Variants in CCNJL observed in about 807,000 individuals in gnomAD.
CCNJL encodes the protein cyclin J like.
A neutral mutation model predicts 33.4 loss-of-function variants in CCNJL; 33 were observed. The observed-to-expected ratio is 0.99, with a 90% CI of 0.75 to 1.32. The LOEUF (loss-of-function observed/expected upper bound fraction) is 1.32. CCNJL is among the 40% of genes most tolerant of loss of function. CCNJL has a pLI of 0.00. For synonymous variants in CCNJL, 227 were observed against 220.9 expected (o/e 1.03, Z -0.24); for missense variants, 512 against 499.7 (o/e 1.02, Z -0.23).
chr5:160,283,827 C>G (rs1036819688), intron 2 of CCNJL, among the ~76,000 whole-genome samples: 5 of 151,730 alleles, frequency 3.3e-5, no homozygotes, highest in African/African-American at 1.2e-4. Flanking sequence ...TCCATGAGTT[C>G]AATTGCTTTG....
At position 160,250,831 on chromosome 5, in the gene CCNJL, T is replaced by C. The variant is rs543833801; in HGVS notation, c.*2547A>G. ...AGCTGATCTTATGCTTGAAGAAATA[T>C]AATAATTATCTCCTTTTTTGGAGGT... On this transcript the variant is annotated 3_prime_UTR_variant, in exon 6 of 6. Transcript: ENST00000257536. The C allele has an allele frequency of 3.9e-5, 6 of 152,218 alleles. No individual in the cohort carries two copies. The highest frequency in any genetic ancestry group is 7.4e-5 in the Non-Finnish European group (5 of 68,022). 9.4% of individuals were successfully genotyped at this position (152,218 alleles called of 1,614,324 possible). A position where few individuals can be genotyped will look rare whatever the true frequency, so the allele number is the denominator to read the frequency against.
chr5:160,287,623 AAGTCCACTTGAAGGCCGCAGCAGCGC>A (rs1344901923), intron 2 of CCNJL, among the ~76,000 whole-genome samples: 1 of 152,236 alleles, frequency 6.6e-6, no homozygotes, highest in Non-Finnish European at 1.5e-5. Flanking sequence ...CTCTTGACCT[AAGTCCACTTGAAGGCCGCAGCAGCGC>A]AGTGCAGGAA....
intron 1 of CCNJL, among the ~76,000 whole-genome samples, chr5:160,320,309 A>T (rs1202862441): frequency 6.6e-6 from 1 of 152,160 alleles, no homozygotes. Context: ...TTGAGTGAGT[A>T]GCCTTCCTTC....
intron 3 of CCNJL, among the ~76,000 whole-genome samples, chr5:160,270,940 G>T (rs1266901224): frequency 6.6e-6 from 1 of 152,096 alleles, no homozygotes; most frequent in Non-Finnish European, 1.5e-5. Flanking sequence ...AAGTCGGGAG[G>T]CATCAGACTT....
chr5:160,305,003 A>G (rs561301362), intron 2 of CCNJL, among the ~76,000 whole-genome samples: 63 of 151,824 alleles, frequency 4.1e-4, no homozygotes, highest in Admixed American at 2.7e-3. Flanking sequence ...TTTAGTAGAG[A>G]CGGGGCTTCA....
upstream of CCNJL, among the ~76,000 whole-genome samples, chr5:160,313,377 G>A (rs1473287481): frequency 6.6e-6 from 1 of 152,138 alleles, no homozygotes; most frequent in African/African-American, 2.4e-5. Context: ...TCAGAGCCTC[G>A]TGTGTAAAAT....
chr5:160,264,538 C>G (rs2113269259), intron 3 of CCNJL, among the ~76,000 whole-genome samples: 1 of 151,878 alleles, frequency 6.6e-6, no homozygotes. Context: ...AGCTTACAGA[C>G]TGGCTTTTTT....
At chr5:160,319,930 T>TAAATA (rs550582948) in intron 1 of CCNJL, among the ~76,000 whole-genome samples, 9 of 151,486 alleles carry the variant, frequency 5.9e-5, no homozygotes, top group East Asian at 1.9e-4. Context: ...AATAAATAAA[T>TAAATA]AATAAATAAA....
intron 2 of CCNJL, among the ~76,000 whole-genome samples, chr5:160,287,359 T>C (rs1762439014): frequency 6.6e-6 from 1 of 152,236 alleles, no homozygotes; most frequent in South Asian, 2.1e-4. Context: ...ACCTTTGAGC[T>C]GAGGTGCCTC....
intron 2 of CCNJL, among the ~76,000 whole-genome samples, chr5:160,304,349 G>A (rs1045761913): frequency 2.0e-5 from 3 of 152,138 alleles, no homozygotes; most frequent in South Asian, 2.1e-4. Flanking sequence ...CCTCATTTGC[G>A]GTTTTCAATT....
Position 160,250,665 on chromosome 5 carries a change from T to C in CCNJL, c.*2713A>G, listed in dbSNP as rs1760779460. The C allele has an allele frequency of 6.6e-6, 1 of 152,222 alleles. No homozygotes were observed. The highest frequency in any genetic ancestry group is 2.1e-4 in the South Asian group (1 of 4,834). The allele number at this position is 152,222 out of a possible 1,614,324, so 9.4% of individuals were successfully genotyped here. A position where few individuals can be genotyped will look rare whatever the true frequency, so the allele number is the denominator to read the frequency against. On this transcript the variant is annotated 3_prime_UTR_variant, in exon 6 of 6. Transcript: ENST00000257536. ...AACAGCTGATGCTATATCTCATCAA[T>C]TCTACATATACATATTTTGACATGT...
chr5:160,254,521 AAG>A lies in CCNJL; in HGVS notation c.744-725_744-724del, dbSNP rs773322340. On this transcript the variant is annotated intron_variant, in intron 5 of 5. Transcript: ENST00000257536. ...ACTGACTTTTCAGAGGAATGAGATA[AAG>A]ACAGCTGCCAGCAAAGCTTCCCACA... 174 of 433,920 alleles carry A rather than the reference AAG, an allele frequency of 4.0e-4. 1 individual carries two copies. Among genetic ancestry groups the A allele is most frequent in the Non-Finnish European group, 6.6e-4 (162 of 246,030 alleles). The allele number at this position is 433,920 out of a possible 1,614,324, so 26.9% of individuals were successfully genotyped here. A position where few individuals can be genotyped will look rare whatever the true frequency, so the allele number is the denominator to read the frequency against.
At chr5:160,332,107 C>T (rs1156845024) in intron 1 of CCNJL, among the ~76,000 whole-genome samples, 2 of 152,100 alleles carry the variant, frequency 1.3e-5, no homozygotes, top group African/African-American at 4.8e-5. Context: ...TCTAATACTT[C>T]CTCACCCCTC....
chr5:160,256,843 G>A (rs1183906856), intron 4 of CCNJL, among the ~76,000 whole-genome samples: 1 of 150,826 alleles, frequency 6.6e-6, no homozygotes, highest in Non-Finnish European at 1.5e-5. Context: ...GCTTGAACCC[G>A]GGAGGTGGAG....
chr5:160,306,577 C>T (rs978493341), intron 2 of CCNJL, among the ~76,000 whole-genome samples: 2 of 152,094 alleles, frequency 1.3e-5, no homozygotes, highest in African/African-American at 4.8e-5. Flanking sequence ...GATTTTTTTC[C>T]CCTAAGAACT....
At chr5:160,331,134 CA>C (rs780833581) in intron 1 of CCNJL, among the ~76,000 whole-genome samples, 2 of 152,156 alleles carry the variant, frequency 1.3e-5, no homozygotes, top group Admixed American at 6.5e-5. Flanking sequence ...CACCACTTAT[CA>C]CTTGCCATCT....
intron 3 of CCNJL, among the ~76,000 whole-genome samples, chr5:160,273,638 G>A (rs902501900): frequency 7.0e-5 from 9 of 128,774 alleles, no homozygotes; most frequent in African/African-American, 2.4e-4. Context: ...CGAAAGTGCC[G>A]CCACTTTTTT....
intron 1 of CCNJL, among the ~76,000 whole-genome samples, chr5:160,321,680 G>A (rs1763467177): frequency 1.3e-5 from 2 of 152,142 alleles, no homozygotes; most frequent in South Asian, 2.1e-4. Flanking sequence ...GGTGGCTCAC[G>A]CCTGTAATCC....
chr5:160,258,131 C>T (rs1481664733), intron 4 of CCNJL: 2 of 339,668 alleles, frequency 5.9e-6, no homozygotes, highest in African/African-American at 2.1e-5. Context: ...TAAGCATAAG[C>T]CACCGCGCCC....
Sources: allele counts gnomAD v4.1 joint callset (sites outside exome capture counted in the v4.1 genomes callset), GRCh38; gene constraint gnomAD v4.1.1; transcripts MANE v1.5; gene names NCBI Gene and HGNC (gene_info 2026-07-23, HGNC 2026-07-21).